RIC1: variants seen among roughly 807,000 people sequenced by gnomAD.
RIC1 encodes RIC1 partner of RAB6A GEF complex.
A neutral mutation model predicts 169.0 loss-of-function variants in RIC1; 88 were observed. That is an observed-to-expected ratio of 0.52 (90% CI 0.44 to 0.62). The LOEUF (loss-of-function observed/expected upper bound fraction) is 0.62. Ranked by LOEUF, RIC1 falls within the 20% of genes least tolerant of loss-of-function variation. RIC1 has a pLI of 0.00. For missense variants in RIC1, 1,877 were observed against 1,725.5 expected (o/e 1.09, Z -1.56); for synonymous variants, 790 against 601.5 (o/e 1.31, Z -4.59).
Position 5,747,309 on chromosome 9 carries a change from A to C in RIC1, c.1256A>C (p.Gln419Pro). ...CCTCTTTCCCTCATTTAGAGTAACC[A>C]AGAGCAGGTGTTGCTTCAGGGTGAG... ...VLTVNPCMSN[Q>P]EQVLLQGEDR... is the part of the protein sequence containing the mutation. Residue 419 changes from glutamine (Q) to proline (P), a missense_variant, in exon 12 of 26, where the codon CAA becomes CCA. Coordinates refer to ENST00000414202, the MANE Select transcript of RIC1 (RefSeq NM_020829.4). 1 of 1,613,966 alleles carries C rather than the reference A, an allele frequency of 6.2e-7. No homozygotes were observed. The highest frequency in any genetic ancestry group is 8.5e-7 in the Non-Finnish European group (1 of 1,179,832).
intron 8 of RIC1, among the ~76,000 whole-genome samples, chr9:5,739,522 C>T (rs1824934809): frequency 6.6e-6 from 1 of 152,148 alleles, no homozygotes; most frequent in South Asian, 2.1e-4. Context: ...GTCATACTCT[C>T]AACCTCACCT....
At chr9:5,698,171 G>A (rs892510070) in intron 3 of RIC1, among the ~76,000 whole-genome samples, 2 of 152,198 alleles carry the variant, frequency 1.3e-5, no homozygotes. Context: ...TTTGCTCAAA[G>A]AAATGGCTGT....
intron 17 of RIC1, among the ~76,000 whole-genome samples, chr9:5,761,056 G>C (rs10815279): frequency 0.47 from 70,035 of 148,638 alleles, 17,432 homozygotes; most frequent in African/African-American, 0.64. Flanking sequence ...ACCCTGGCTA[G>C]TGTGCCTGAG....
intron 3 of RIC1, among the ~76,000 whole-genome samples, chr9:5,696,648 A>C (rs1402135627): frequency 6.6e-6 from 1 of 152,226 alleles, no homozygotes; most frequent in Non-Finnish European, 1.5e-5. Context: ...AAAGTAAAAA[A>C]ATGTGAACTT....
intron 1 of RIC1, among the ~76,000 whole-genome samples, chr9:5,630,013 C>G (rs1205186321): frequency 6.6e-6 from 1 of 152,220 alleles, no homozygotes; most frequent in Non-Finnish European, 1.5e-5. Context: ...CCCAACATCC[C>G]TTCCCCACTT....
intron 1 of RIC1, among the ~76,000 whole-genome samples, chr9:5,642,056 A>G (rs1474989494): frequency 2.8e-5 from 4 of 144,164 alleles, no homozygotes; most frequent in Admixed American, 2.0e-4. Context: ...GCTTGTTTGT[A>G]TCTGTCCTTT....
At chr9:5,677,449 C>G (rs973651546) in intron 2 of RIC1, among the ~76,000 whole-genome samples, 11 of 152,050 alleles carry the variant, frequency 7.2e-5, no homozygotes. Flanking sequence ...AAAAGATTAT[C>G]CCTTCTACAC....
intron 6 of RIC1, among the ~76,000 whole-genome samples, chr9:5,731,712 T>C (rs1824379489): frequency 6.6e-6 from 1 of 152,200 alleles, no homozygotes; most frequent in Non-Finnish European, 1.5e-5. Flanking sequence ...CATTTATTTA[T>C]TGAATGCTTG....
chr9:5,653,688 C>T (rs968313348), intron 1 of RIC1, among the ~76,000 whole-genome samples: 1 of 152,062 alleles, frequency 6.6e-6, no homozygotes, highest in African/African-American at 2.4e-5. Context: ...GCCTCCGTCT[C>T]CTGGGTTCAA....
At chr9:5,750,030 G>A (rs536755567) in intron 12 of RIC1, among the ~76,000 whole-genome samples, 1 of 151,938 alleles carries the variant, frequency 6.6e-6, no homozygotes, top group South Asian at 2.1e-4. Context: ...ACCTGCCTCA[G>A]CCTCCCAAAG....
At chr9:5,635,095 C>T (rs1817907102) in intron 1 of RIC1, among the ~76,000 whole-genome samples, 1 of 152,168 alleles carries the variant, frequency 6.6e-6, no homozygotes, top group Non-Finnish European at 1.5e-5. Flanking sequence ...TCAAGCAATT[C>T]TCCCACCTTA....
intron 6 of RIC1, among the ~76,000 whole-genome samples, chr9:5,728,037 T>G (rs1241283701): frequency 6.6e-6 from 1 of 152,210 alleles, no homozygotes; most frequent in Non-Finnish European, 1.5e-5. Flanking sequence ...GACCTCAGAC[T>G]CCGTGCTGGG....
At chr9:5,658,860 T>C (rs528385251) in intron 2 of RIC1, among the ~76,000 whole-genome samples, 2 of 151,378 alleles carry the variant, frequency 1.3e-5, no homozygotes, top group South Asian at 2.1e-4. Context: ...TTTTTTTTTT[T>C]CTTTACTTGA....
rs1421700547 is a variant in RIC1 at position 5,763,256 on chromosome 9, T to G, written c.2229T>G (p.Gly743=). 2 of 1,614,092 alleles carry G rather than the reference T, an allele frequency of 1.2e-6. No individual in the cohort carries two copies. Among genetic ancestry groups the G allele is most frequent in the East Asian group, 4.5e-5 (2 of 44,884 alleles). Residue 743 remains glycine (G), a synonymous_variant, in exon 19 of 26, where the codon GGT becomes GGG. Transcript: ENST00000414202. The surrounding 1 kb of genome is among the most constrained non-coding windows in gnomAD (Gnocchi z 5.2). ...AGGCCCTCTGGCTGAGCTGTGGTGGTGCAGGGATGAAAGTTTGGCTCCCTC... is the reference window on the plus strand; with the variant it reads ...AGGCCCTCTGGCTGAGCTGTGGTGGGGCAGGGATGAAAGTTTGGCTCCCTC... ...LLEALWLSCG[G]AGMKVWLPLF... is the part of the protein sequence containing the mutation.
At chr9:5,733,564 G>A (rs1033312904) in intron 7 of RIC1, among the ~76,000 whole-genome samples, 3 of 151,936 alleles carry the variant, frequency 2.0e-5, no homozygotes, top group Admixed American at 2.0e-4. Context: ...TGCCCGGCCA[G>A]ATTTTTTTAT....
intron 14 of RIC1, among the ~76,000 whole-genome samples, chr9:5,754,580 T>G (rs1278178811): frequency 6.6e-6 from 1 of 151,962 alleles, no homozygotes; most frequent in Admixed American, 6.6e-5. Context: ...TATACAAAAT[T>G]AGCTAGGTGT....
chr9:5,636,873 T>C (rs941515943), intron 1 of RIC1, among the ~76,000 whole-genome samples: 3 of 152,200 alleles, frequency 2.0e-5, no homozygotes, highest in African/African-American at 7.2e-5. Context: ...TATAAGTTTC[T>C]GGAGCACAGA....
rs1039247373 is a variant in RIC1, at chr9:5,762,602, A to T, written c.2054A>T (p.Asp685Val). The change falls in exon 18 of 26, where the codon GAC becomes GTC. Residue 685 changes from aspartate to valine, a missense_variant. Around this residue, in one of 3 missense-constraint regions of RIC1, gnomAD observed 1,104 missense variants for 992.0 expected, o/e 1.11. Coordinates refer to ENST00000414202, the MANE Select transcript of RIC1 (RefSeq NM_020829.4). ...LAGQLIMMQR[D>V]RSGPQIREKD... is the part of the protein sequence containing the mutation. ...GGACAGCTCATCATGATGCAGAGGG[A>T]CAGGTCAGGCCCACAGATCCGGGAG... The T allele has an allele frequency of 5.0e-6, 8 of 1,613,956 alleles. No individual in the cohort carries two copies. In the African/African-American group the frequency reaches 1.1e-4, roughly 22 times the overall value.
At position 5,756,246 on chromosome 9, in the gene RIC1, A is replaced by G. The variant is rs1193681401; in HGVS notation, c.1727A>G (p.Asn576Ser). The change falls in exon 16 of 26, where the codon AAT becomes AGT. Residue 576 changes from asparagine (N) to serine (S), a missense_variant. This residue lies in a region of RIC1 where 1,104 missense variants were observed against 992.0 expected (regional missense o/e 1.11). Coordinates refer to ENST00000414202, the MANE Select transcript of RIC1 (RefSeq NM_020829.4). ...TACTTGCGAACATCAAATCTGGACA[A>G]TGCCTTTGCTCATGTCACCAAAGCA... ...RVYLRTSNLD[N>S]AFAHVTKAQA... 5.6e-6 allele frequency: 9 copies of G among 1,597,370 alleles called. No homozygotes were observed. The highest frequency in any genetic ancestry group is 2.3e-5 in the East Asian group (1 of 44,370).
Sources: gnomAD v4.1 joint callset for allele counts (sites outside exome capture counted in the v4.1 genomes callset) on GRCh38, gnomAD v4.1.1 for gene constraint, gnomAD v4.1.1 regional missense constraint, Gnocchi (gnomAD v3.1) non-coding constraint, MANE v1.5 for transcripts, NCBI Gene and HGNC (gene_info 2026-07-23, HGNC 2026-07-21) for gene names.